EED: variants seen among roughly 807,000 people sequenced by gnomAD.
EED encodes polycomb protein EED.
EED carries 9 observed loss-of-function variants against 61.0 expected under a neutral mutation model. That is an observed-to-expected ratio of 0.15 (90% confidence interval 0.09 to 0.26). The LOEUF is 0.26. EED is among the 10% of genes least tolerant of loss of function. EED has a pLI of 1.00. For missense variants in EED, 315 were observed against 542.3 expected, an observed-to-expected ratio of 0.58 and a Z score of 4.16; for synonymous variants, 187 against 174.4, an observed-to-expected ratio of 1.07 and a Z score of -0.57.
the EED span, among the ~76,000 whole-genome samples, chr11:86,286,305 T>A: frequency 2.6e-3 from 395 of 151,856 alleles, 6 homozygotes; most frequent in Admixed American, 0.02. Context: ...CCTCCCAAAG[T>A]GCTGGGATTA....
intron 9 of EED, among the ~76,000 whole-genome samples, chr11:86,274,613 CG>C (rs1387298531): frequency 1.3e-5 from 2 of 152,112 alleles, no homozygotes; most frequent in Non-Finnish European, 2.9e-5. Context: ...ACTGCTCAGT[CG>C]GGGTGGGAGT....
chr11:86,247,621 T>C (rs577470168), intron 1 of EED, among the ~76,000 whole-genome samples: 2 of 152,362 alleles, frequency 1.3e-5, no homozygotes, highest in Non-Finnish European at 1.5e-5. Flanking sequence ...AAAATTAAGA[T>C]GCAATTTTTT....
chr11:86,253,743 A>G (rs1056838535), intron 3 of EED, among the ~76,000 whole-genome samples: 2 of 152,096 alleles, frequency 1.3e-5, no homozygotes, highest in African/African-American at 4.8e-5. Flanking sequence ...AATGTGACTG[A>G]CTATAAGCTA....
chr11:86,273,010 TATC>T (rs1376494825), intron 9 of EED, among the ~76,000 whole-genome samples: 1 of 152,330 alleles, frequency 6.6e-6, no homozygotes, highest in East Asian at 1.9e-4. Context: ...TCTACTATAT[TATC>T]AGCATTTTAC....
At chr11:86,254,916 C>A (rs922835985) in intron 3 of EED, among the ~76,000 whole-genome samples, 2 of 152,152 alleles carry the variant, frequency 1.3e-5, no homozygotes, top group African/African-American at 4.8e-5. Context: ...CCACCGTGCC[C>A]GGCCTAATAT....
Position 86,268,519 on chromosome 11 carries a change from T to C in EED, c.924T>C (p.Tyr308=), listed in dbSNP as rs1346235284. ...DFSTRDIHRN[Y]VDCVRWLGDL... The stretch of plus-strand genomic sequence containing the variant: ...CTACCAGAGACATACATAGGAATTA[T>C]GTTGATTGTGTGCGATGGTTAGGCG... Residue 308 remains tyrosine, a synonymous_variant, in exon 9 of 12, where the codon TAT becomes TAC. Coordinates refer to ENST00000263360, the MANE Select transcript of EED (RefSeq NM_003797.5). 3.1e-6 allele frequency: 5 copies of C among 1,611,910 alleles called. No individual in the cohort carries two copies. The highest frequency in any genetic ancestry group is 3.4e-5 in the Admixed American group (2 of 59,528).
chr11:86,285,985 C>T, the EED span, among the ~76,000 whole-genome samples: 2 of 152,076 alleles, frequency 1.3e-5, no homozygotes, highest in South Asian at 2.1e-4. Flanking sequence ...GTCTCATACA[C>T]ACAAGTATTT....
intron 1 of EED, among the ~76,000 whole-genome samples, chr11:86,246,112 A>AT (rs921987547): frequency 8.5e-5 from 13 of 152,178 alleles, no homozygotes; most frequent in African/African-American, 3.1e-4. Context: ...TTGCAATCAG[A>AT]TTTTTTTAAG....
At chr11:86,251,652 A>G (rs1945534142) in intron 2 of EED, among the ~76,000 whole-genome samples, 1 of 152,192 alleles carries the variant, frequency 6.6e-6, no homozygotes. Context: ...GTGTTCAGAT[A>G]TTCTCATTCT....
intron 9 of EED, among the ~76,000 whole-genome samples, chr11:86,274,353 T>C (rs1048823287): frequency 6.6e-6 from 1 of 152,254 alleles, no homozygotes; most frequent in African/African-American, 2.4e-5. Context: ...TATCTATTGA[T>C]TATCTTTTTA....
chr11:86,286,273 T>C, the EED span, among the ~76,000 whole-genome samples: 4,730 of 151,764 alleles, frequency 0.031, 236 homozygotes, highest in African/African-American at 0.11. Context: ...ACTCCTGGCC[T>C]CAAGTGATCC....
At chr11:86,246,061 A>G (rs1437436305) in intron 1 of EED, among the ~76,000 whole-genome samples, 1 of 152,228 alleles carries the variant, frequency 6.6e-6, no homozygotes, top group Non-Finnish European at 1.5e-5. Context: ...AGGCAGATGT[A>G]TTTAAGTGTG....
At chr11:86,279,267 G>C (rs1302017434), downstream of EED, among the ~76,000 whole-genome samples, 1 of 151,264 alleles carries the variant, frequency 6.6e-6, no homozygotes, top group Admixed American at 6.6e-5. Context: ...GGTAACCTTA[G>C]AGGAGATATC....
chr11:86,247,534 G>C (rs773616299), intron 1 of EED, among the ~76,000 whole-genome samples: 3 of 152,162 alleles, frequency 2.0e-5, no homozygotes, highest in Non-Finnish European at 4.4e-5. Context: ...ATTGGTGGCA[G>C]AGTCACAACT....
intron 7 of EED, chr11:86,265,702 T>G (rs571587632): frequency 4.6e-5 from 7 of 153,234 alleles, no homozygotes; most frequent in African/African-American, 1.2e-4. Context: ...TTTCATTGGT[T>G]GGTTGAGGTT....
At chr11:86,268,594 CGTGTGT>C (rs71040225) in intron 9 of EED, 33 bp downstream of exon 9, 1,649 of 818,600 alleles carry the variant, frequency 2.0e-3, no homozygotes, top group Non-Finnish European at 2.5e-3. Flanking sequence ...GTACTTCCAT[CGTGTGT>C]GTGTGTGTGT....
intron 6 of EED, among the ~76,000 whole-genome samples, chr11:86,258,101 C>T (rs753984712): frequency 6.6e-6 from 1 of 152,066 alleles, no homozygotes. Context: ...TCCTCCCACC[C>T]TCTACCCTCC....
intron 4 of EED, 38 bp downstream of exon 4, chr11:86,255,325 G>C: frequency 6.6e-7 from 1 of 1,518,520 alleles, no homozygotes; most frequent in East Asian, 2.3e-5. Flanking sequence ...TTAGTCAAAG[G>C]AATTTATTTT....
chr11:86,250,001 A>T (rs1183704082), intron 1 of EED, among the ~76,000 whole-genome samples: 1 of 152,242 alleles, frequency 6.6e-6, no homozygotes, highest in Non-Finnish European at 1.5e-5. Context: ...AGATTCACTG[A>T]TACAGTGTAT....
Sources: gnomAD v4.1 joint callset for allele counts (sites outside exome capture counted in the v4.1 genomes callset) on GRCh38, gnomAD v4.1.1 for gene constraint, MANE v1.5 for transcripts, NCBI Gene and HGNC (gene_info 2026-07-23, HGNC 2026-07-21) for gene names.